The following LPA variants were observed in gnomAD, a reference collection of about 807,000 sequenced individuals.
LPA encodes the protein apolipoprotein(a).
LPA carries 199 observed loss-of-function variants against 197.9 expected under a neutral mutation model. The observed-to-expected ratio is 1.01, with a 90% confidence interval of 0.90 to 1.13. The LOEUF (loss-of-function observed/expected upper bound fraction) is 1.13. Among genes scored for constraint, LPA ranks in the 50% most tolerant of loss-of-function variants. The pLI is 0.00. For missense variants in LPA, 1,853 were observed against 1,785.8 expected (o/e 1.04, Z -0.68); for synonymous variants, 715 against 639.5 (o/e 1.12, Z -1.78).
chr6:160,582,889 T>C (rs1455036484), intron 26 of LPA, among the ~76,000 whole-genome samples: 2 of 152,140 alleles, frequency 1.3e-5, no homozygotes, highest in African/African-American at 4.8e-5. Flanking sequence ...TTCTCAGGCT[T>C]TGTATAAGCG....
chr6:160,581,428 T>C (rs1778799852), intron 26 of LPA, among the ~76,000 whole-genome samples: 1 of 152,080 alleles, frequency 6.6e-6, no homozygotes. Flanking sequence ...GCTTCCTGAA[T>C]AGCTGGGACT....
At chr6:160,582,913 A>T (rs373154040) in intron 26 of LPA, among the ~76,000 whole-genome samples, 214 of 152,210 alleles carry the variant, frequency 1.4e-3, no homozygotes, top group African/African-American at 4.8e-3. Context: ...TATGGTTTGC[A>T]CCACCCTAAT....
intron 26 of LPA, among the ~76,000 whole-genome samples, chr6:160,579,401 C>T (rs1199469104): frequency 1.3e-5 from 2 of 152,146 alleles, no homozygotes; most frequent in Admixed American, 1.3e-4. Flanking sequence ...TTCATGGGCA[C>T]GACCTCCTCT....
Position 160,542,494 on chromosome 6 carries a change from G to A in LPA, c.5519+194C>T, listed in dbSNP as rs116368851. ...ACTGCCCAGATCAAGAAAAAGATTT[G>A]TATTTTGGCTATTTTCCAAGTAGAG... is the stretch of plus-strand genomic sequence containing the variant. On this transcript the variant is annotated intron_variant, in intron 34 of 38. Transcript: ENST00000316300. Among the ~76,000 whole-genome samples, 1,359 of 152,284 alleles carry A rather than the reference G, an allele frequency of 8.9e-3. 20 individuals are homozygous for A. Among genetic ancestry groups the A allele is most frequent in the African/African-American group, 0.03 (1,260 of 41,560 alleles).
In LPA at chr6:160,540,065, T is replaced by A. The variant is rs1398554945; in HGVS notation, c.5713A>T (p.Ile1905Phe). 6.2e-7 allele frequency: 1 copy of A among 1,614,106 alleles called. No homozygotes were observed. Among genetic ancestry groups the A allele is most frequent in the Non-Finnish European group, 8.5e-7 (1 of 1,180,018 alleles). ...TACCTGCTTAGCTTTAGCAAGGCAA[T>A]ATCTGCTTGTGTGGGCTCCAAGAAC... ...RLFLEPTQAD[I>F]ALLKLSRPAV... The change falls in exon 36 of 39, where the codon ATT becomes TTT. Residue 1905 changes from isoleucine to phenylalanine, a missense_variant. Physicochemically the swap from Ile to Phe is conservative, Grantham distance 21. Coordinates refer to ENST00000316300, the MANE Select transcript of LPA (RefSeq NM_005577.4).
intron 26 of LPA, among the ~76,000 whole-genome samples, chr6:160,583,576 C>T (rs1778840026): frequency 6.6e-6 from 1 of 152,090 alleles, no homozygotes; most frequent in Non-Finnish European, 1.5e-5. Context: ...TCACTGTTCC[C>T]CAGCAGTTGT....
chr6:160,611,026 T>G (rs1184969132), intron 16 of LPA, among the ~76,000 whole-genome samples: 2 of 152,158 alleles, frequency 1.3e-5, no homozygotes, highest in Non-Finnish European at 2.9e-5. Context: ...CCTTCCTTCC[T>G]TGGATCTTCT....
At chr6:160,580,249 T>C (rs1219611178) in intron 26 of LPA, among the ~76,000 whole-genome samples, 1 of 152,206 alleles carries the variant, frequency 6.6e-6, no homozygotes, top group Non-Finnish European at 1.5e-5. Flanking sequence ...TGTATAAATA[T>C]ACTGGAAATT....
At chr6:160,548,396 G>A (rs1778109934) in intron 31 of LPA, 82 bp downstream of exon 31, 11 of 1,408,302 alleles carry the variant, frequency 7.8e-6, no homozygotes, top group Non-Finnish European at 1.1e-5. Flanking sequence ...CTGCATCAGT[G>A]TGGTTTTTCA....
At chr6:160,537,768 T>C in intron 37 of LPA, 87 bp downstream of exon 37, 1 of 1,257,994 alleles carries the variant, frequency 7.9e-7, no homozygotes, top group South Asian at 1.3e-5. Flanking sequence ...GGTAGGAATT[T>C]GTACAACTAT....
At chr6:160,579,091 T>A (rs988729123) in intron 26 of LPA, among the ~76,000 whole-genome samples, 1 of 152,152 alleles carries the variant, frequency 6.6e-6, no homozygotes, top group South Asian at 2.1e-4. Flanking sequence ...TATCTCTGTC[T>A]GTCTAGCTCT....
chr6:160,608,787 G>A (rs1156573401), intron 16 of LPA, among the ~76,000 whole-genome samples: 2 of 150,912 alleles, frequency 1.3e-5, no homozygotes, highest in African/African-American at 2.4e-5. Context: ...TGTGAGGTTC[G>A]GTTGGTTTTC....
chr6:160,602,814 T>G (rs1313120711), intron 18 of LPA, among the ~76,000 whole-genome samples: 1 of 152,224 alleles, frequency 6.6e-6, no homozygotes, highest in Admixed American at 6.5e-5. Flanking sequence ...TTTATCATTT[T>G]AATGATATCC....
At chr6:160,609,704 C>T (rs1215809355) in intron 16 of LPA, among the ~76,000 whole-genome samples, 1 of 151,868 alleles carries the variant, frequency 6.6e-6, no homozygotes, top group Admixed American at 6.6e-5. Context: ...TTATATTTTC[C>T]TGCATGTCTC....
At chr6:160,573,520 G>T (rs1032435114) in intron 28 of LPA, among the ~76,000 whole-genome samples, 1 of 152,030 alleles carries the variant, frequency 6.6e-6, no homozygotes, top group Non-Finnish European at 1.5e-5. Context: ...ATATTACCAG[G>T]GTTGGTTTTC....
chr6:160,601,564 G>A (rs1779242714), intron 18 of LPA, among the ~76,000 whole-genome samples: 1 of 152,122 alleles, frequency 6.6e-6, no homozygotes, highest in Non-Finnish European at 1.5e-5. Context: ...GTTCTCCAGA[G>A]AAAAAAATGG....
intron 1 of LPA, among the ~76,000 whole-genome samples, chr6:160,660,970 A>C (rs192478193): frequency 3.3e-4 from 51 of 152,270 alleles, no homozygotes; most frequent in Admixed American, 2.7e-3. Context: ...ATCAAATCTG[A>C]GGCAACAAAT....
At chr6:160,552,571 T>A (rs1266911000) in intron 30 of LPA, among the ~76,000 whole-genome samples, 1 of 152,210 alleles carries the variant, frequency 6.6e-6, no homozygotes, top group East Asian at 1.9e-4. Flanking sequence ...TTTTTGCACA[T>A]TGAGCACGTA....
Position 160,585,161 on chromosome 6 carries a change from C to T in LPA, c.4174G>A (p.Asp1392Asn). 1 of 1,613,716 alleles carries T rather than the reference C, an allele frequency of 6.2e-7. No homozygotes were observed. Among genetic ancestry groups the T allele is most frequent in the Non-Finnish European group, 8.5e-7 (1 of 1,179,808 alleles). The change falls in exon 26 of 39, where the codon GAT (aspartate) becomes AAT (asparagine). Residue 1392 changes from aspartate to asparagine, a missense_variant. Transcript: ENST00000316300. The part of the protein sequence containing the change: ...STGVQDCYRG[D>N]GQSYRGTLST... ...AGTGTGCCTCGATAACTCTGTCCAT[C>T]ACCTCGGTAGCAGTCCTGGACCCCA...
Sources: allele counts gnomAD v4.1 joint callset (sites outside exome capture counted in the v4.1 genomes callset), GRCh38; gene constraint gnomAD v4.1.1; transcripts MANE v1.5; gene names NCBI Gene and HGNC (gene_info 2026-07-23, HGNC 2026-07-21).